Variants in DSCAM observed in about 807,000 individuals in gnomAD.
The protein encoded by DSCAM is cell adhesion molecule DSCAM.
DSCAM carries 47 observed loss-of-function variants against 217.7 expected under a neutral mutation model. The ratio of observed to expected loss-of-function variants is 0.22; its 90% CI spans 0.17 to 0.28. The LOEUF (loss-of-function observed/expected upper bound fraction) is 0.28. DSCAM is among the 10% of genes least tolerant of loss of function. The pLI is 1.00. For missense variants in DSCAM, 2,080 were observed against 2,618.3 expected (o/e 0.79, Z 4.49); for synonymous variants, 1,056 against 1,015.3 (o/e 1.04, Z -0.76).
At chr21:40,126,821 T>C (rs2090098944) in intron 19 of DSCAM, among the ~76,000 whole-genome samples, 2 of 152,208 alleles carry the variant, frequency 1.3e-5, no homozygotes. Flanking sequence ...ACACAGTCTT[T>C]CCTTGTATGG....
chr21:40,227,459 C>T (rs901424811), intron 11 of DSCAM, among the ~76,000 whole-genome samples: 2 of 152,158 alleles, frequency 1.3e-5, no homozygotes, highest in Non-Finnish European at 2.9e-5. Context: ...TGCTACTTTA[C>T]CAATAGTAGA....
chr21:40,256,867 C>T (rs1179439394), intron 11 of DSCAM, among the ~76,000 whole-genome samples: 3 of 152,274 alleles, frequency 2.0e-5, no homozygotes, highest in Non-Finnish European at 2.9e-5. Flanking sequence ...CTGCTTACAC[C>T]ATACTTACTC....
intron 1 of DSCAM, among the ~76,000 whole-genome samples, chr21:40,795,549 A>T (rs1225291328): frequency 6.6e-6 from 1 of 152,190 alleles, no homozygotes; most frequent in Non-Finnish European, 1.5e-5. Flanking sequence ...GAGTGTACTC[A>T]CAAACTTTCA....
At chr21:40,321,754 C>T (rs542677401) in intron 8 of DSCAM, among the ~76,000 whole-genome samples, 57 of 152,138 alleles carry the variant, frequency 3.7e-4, no homozygotes, top group African/African-American at 1.2e-3. Context: ...GCTAACTCTC[C>T]GAGGCCTGGT....
chr21:40,110,863 G>GA (rs2089890021), intron 20 of DSCAM, among the ~76,000 whole-genome samples: 1 of 152,082 alleles, frequency 6.6e-6, no homozygotes, highest in Non-Finnish European at 1.5e-5. Flanking sequence ...GAAGTTTAGA[G>GA]AAAAAAGAAT....
intron 1 of DSCAM, among the ~76,000 whole-genome samples, chr21:40,756,917 C>A (rs4818169): frequency 0.7 from 105,717 of 151,474 alleles, 37,143 homozygotes; most frequent in Admixed American, 0.76. Flanking sequence ...CAAGTCTGTG[C>A]GATTTATCTC....
At chr21:40,015,805 C>A (rs895512922) in intron 32 of DSCAM, among the ~76,000 whole-genome samples, 2 of 152,178 alleles carry the variant, frequency 1.3e-5, no homozygotes, top group East Asian at 3.9e-4. Flanking sequence ...CCTTGCAAAG[C>A]ATGAGCACAA....
At chr21:40,823,284 G>T (rs1425564699) in intron 1 of DSCAM, among the ~76,000 whole-genome samples, 2 of 149,748 alleles carry the variant, frequency 1.3e-5, no homozygotes, top group Non-Finnish European at 2.9e-5. Context: ...GCCAAAAACA[G>T]ATAAACCATA....
chr21:40,302,648 G>A (rs1033510565), intron 9 of DSCAM, among the ~76,000 whole-genome samples: 7 of 152,064 alleles, frequency 4.6e-5, no homozygotes, highest in South Asian at 4.1e-4. Context: ...TCATAATTAC[G>A]TGCACATAAC....
At chr21:40,545,035 T>C (rs189613103) in intron 3 of DSCAM, among the ~76,000 whole-genome samples, 28 of 152,038 alleles carry the variant, frequency 1.8e-4, no homozygotes, top group Middle Eastern at 3.4e-3. Flanking sequence ...TATTAGGAGG[T>C]AGGACTTTTG....
At chr21:40,403,950 C>T (rs1001969846) in intron 3 of DSCAM, among the ~76,000 whole-genome samples, 2 of 152,242 alleles carry the variant, frequency 1.3e-5, no homozygotes, top group South Asian at 2.1e-4. Context: ...TCATCATGAT[C>T]ACCATCATGG....
intron 11 of DSCAM, among the ~76,000 whole-genome samples, chr21:40,197,802 T>C (rs2091028983): frequency 6.6e-6 from 1 of 152,192 alleles, no homozygotes; most frequent in African/African-American, 2.4e-5. Context: ...CTTAATTCCA[T>C]TTACCTATAA....
At chr21:40,443,405 G>C (rs905379824) in intron 3 of DSCAM, among the ~76,000 whole-genome samples, 1 of 152,132 alleles carries the variant, frequency 6.6e-6, no homozygotes, top group African/African-American at 2.4e-5. Flanking sequence ...TAATTAAAGA[G>C]AATGTTCATA....
intron 11 of DSCAM, among the ~76,000 whole-genome samples, chr21:40,202,341 T>C (rs2091078906): frequency 6.6e-6 from 1 of 152,234 alleles, no homozygotes; most frequent in South Asian, 2.1e-4. Flanking sequence ...CAGCTGTTTT[T>C]CATGGAGAAA....
Position 40,746,413 on chromosome 21 carries a change from T to G in DSCAM, c.44-37642A>C, listed in dbSNP as rs138056588. Among the ~76,000 whole-genome samples the G allele has an allele frequency of 7.3e-3, 1,054 of 144,808 alleles. 14 individuals carry two copies. Among genetic ancestry groups the G allele is most frequent in the African/African-American group, 0.025 (1,005 of 39,790 alleles). 95.0% of individuals were successfully genotyped at this position (144,808 alleles called of 152,430 possible). On this transcript the variant is annotated intron_variant, in intron 1 of 32. Transcript: ENST00000400454. ...CAGGAATAACAATATTTATATCAGA[T>G]AAAATAGACTTTAGGTCAAGAATGG...
intron 19 of DSCAM, among the ~76,000 whole-genome samples, chr21:40,132,535 C>T (rs536845666): frequency 6.6e-6 from 1 of 152,186 alleles, no homozygotes; most frequent in Non-Finnish European, 1.5e-5. Flanking sequence ...CCTGCACATT[C>T]CCTGGAAGGA....
intron 32 of DSCAM, among the ~76,000 whole-genome samples, chr21:40,030,365 G>T (rs2146446344): frequency 6.6e-6 from 1 of 152,296 alleles, no homozygotes; most frequent in African/African-American, 2.4e-5. Context: ...TGTGGTGAGT[G>T]CTGGGTGGAG....
intron 17 of DSCAM, among the ~76,000 whole-genome samples, chr21:40,143,778 C>A (rs1443710244): frequency 6.6e-6 from 1 of 152,060 alleles, no homozygotes; most frequent in Non-Finnish European, 1.5e-5. Context: ...GAGAGAGAGC[C>A]GGACTCCGTC....
chr21:40,395,782 A>G (rs1038515710), intron 3 of DSCAM, among the ~76,000 whole-genome samples: 2 of 152,126 alleles, frequency 1.3e-5, no homozygotes, highest in African/African-American at 2.4e-5. Flanking sequence ...TTTATTTTCT[A>G]TTTGGCCCTG....
Sources: allele counts gnomAD v4.1 joint callset (sites outside exome capture counted in the v4.1 genomes callset), GRCh38; gene constraint gnomAD v4.1.1; transcripts MANE v1.5; gene names NCBI Gene and HGNC (gene_info 2026-07-23, HGNC 2026-07-21).